The following ATP8A2 variants were observed in gnomAD, a reference collection of about 807,000 sequenced individuals.
The protein encoded by ATP8A2 is ATPase phospholipid transporting 8A2.
In ATP8A2, 100 loss-of-function variants were observed where a neutral mutation model predicts 165.6. The observed-to-expected ratio is 0.60, with a 90% CI of 0.51 to 0.71. The LOEUF (loss-of-function observed/expected upper bound fraction) is 0.71. Among genes scored for constraint, ATP8A2 ranks in the 30% least tolerant of loss-of-function variants. The probability of loss-of-function intolerance (pLI) is 0.00; values close to 1 mark genes in which losing one functional copy is unlikely to be tolerated. For synonymous variants in ATP8A2, 543 were observed against 548.8 expected (o/e 0.99, Z 0.15); for missense variants, 1,227 against 1,479.5 (o/e 0.83, Z 2.80).
At chr13:25,826,769 A>T (rs1489216747) in intron 27 of ATP8A2, among the ~76,000 whole-genome samples, 1 of 152,076 alleles carries the variant, frequency 6.6e-6, no homozygotes, top group Non-Finnish European at 1.5e-5. Context: ...CTGAATATTC[A>T]GCAGCAACTT....
intron 9 of ATP8A2, among the ~76,000 whole-genome samples, chr13:25,542,981 GT>G (rs1416013496): frequency 1.3e-5 from 2 of 152,052 alleles, no homozygotes; most frequent in African/African-American, 4.8e-5. Flanking sequence ...GTAAGCTTTG[GT>G]TGTTATTTTA....
chr13:25,937,440 T>C (rs1029796253), intron 33 of ATP8A2, among the ~76,000 whole-genome samples: 2 of 146,170 alleles, frequency 1.4e-5, no homozygotes, highest in African/African-American at 2.5e-5. Flanking sequence ...GGCTAATTAT[T>C]GTCCTTTGCT....
In ATP8A2 at chr13:25,379,181, T is replaced by G. The variant is rs180794800; in HGVS notation, c.76+6893T>G. On this transcript the variant is annotated intron_variant, in intron 1 of 36. Transcript: ENST00000381655. ...TTTGCCAAATCATCAGCAATGTACA[T>G]TTCACACATTGCAGGGAAGCATTTG... Among the ~76,000 whole-genome samples the G allele has an allele frequency of 3.0e-3, 464 of 152,342 alleles. 1 individual carries two copies. Among genetic ancestry groups the G allele is most frequent in the Non-Finnish European group, 5.0e-3 (339 of 68,030 alleles).
chr13:25,657,705 C>A (rs1309238085), intron 24 of ATP8A2, among the ~76,000 whole-genome samples: 2 of 152,338 alleles, frequency 1.3e-5, no homozygotes, highest in African/African-American at 2.4e-5. Flanking sequence ...GATACTTTTA[C>A]TCTAGAATCT....
chr13:25,579,903 G>T lies in ATP8A2; in HGVS notation c.1963G>T (p.Asp655Tyr), dbSNP rs756767860. 6.2e-7 allele frequency: 1 copy of T among 1,613,950 alleles called. No individual in the cohort carries two copies. Among genetic ancestry groups the T allele is most frequent in the East Asian group, 2.2e-5 (1 of 44,864 alleles). ...TCAGGAAGCCAGCACCATATTGAAG[G>T]ACAGAGCTCAACGGTTGGAAGAGTG... ...VYQEASTILK[D>Y]RAQRLEECYE... is the part of the protein sequence containing the mutation. Residue 655 changes from aspartate (D) to tyrosine (Y), a missense_variant, in exon 22 of 37, where the codon GAC (aspartate) becomes TAC (tyrosine). By Grantham distance (160) the Asp-to-Tyr change is radical (BLOSUM62 -3). This residue lies in a region of ATP8A2 where 592 missense variants were observed against 785.6 expected (regional missense o/e 0.75). Coordinates refer to ENST00000381655, the MANE Select transcript of ATP8A2 (RefSeq NM_016529.6).
intron 23 of ATP8A2, among the ~76,000 whole-genome samples, chr13:25,583,106 C>A (rs1329466377): frequency 6.6e-6 from 1 of 152,202 alleles, no homozygotes; most frequent in African/African-American, 2.4e-5. Context: ...ATCATCACTG[C>A]TACTAGAAAA....
At chr13:25,653,132 G>T (rs991383413) in intron 24 of ATP8A2, among the ~76,000 whole-genome samples, 3 of 152,114 alleles carry the variant, frequency 2.0e-5, no homozygotes, top group African/African-American at 7.2e-5. Context: ...GTTAATTTTT[G>T]TCTATGGTGT....
chr13:25,807,245 C>T (rs1049392585), intron 27 of ATP8A2, among the ~76,000 whole-genome samples: 1 of 150,774 alleles, frequency 6.6e-6, no homozygotes, highest in African/African-American at 2.4e-5. Flanking sequence ...GGTGCCTTAT[C>T]TAAAAAATTA....
Position 25,533,446 on chromosome 13 carries a change from C to T in ATP8A2, c.507+133C>T, listed in dbSNP as rs1030353222. On this transcript the variant is annotated intron_variant, in intron 6 of 36. Coordinates refer to ENST00000381655, the MANE Select transcript of ATP8A2 (RefSeq NM_016529.6). Reference sequence around the variant, plus strand: ...CCATGAGGTCTGCTGAGACCTGATGCGTGTTTACTCCTTCCCTTGCACCTT... The same window carrying T: ...CCATGAGGTCTGCTGAGACCTGATGTGTGTTTACTCCTTCCCTTGCACCTT... 15 of 540,686 alleles carry T rather than the reference C, an allele frequency of 2.8e-5. No individual in the cohort carries two copies. The Middle Eastern group carries it at 8.2e-4, about 30-fold the overall frequency. 33.5% of individuals were successfully genotyped at this position (540,686 alleles called of 1,614,324 possible). A position where few individuals can be genotyped will look rare whatever the true frequency, so the allele number is the denominator to read the frequency against.
Position 25,880,802 on chromosome 13 carries a change from T to C in ATP8A2, c.3183+18394T>C, listed in dbSNP as rs1326282997. 1.2e-5 allele frequency: 5 copies of C among 412,136 alleles called. No individual in the cohort carries two copies. The Admixed American group carries it at 1.4e-4, about 11-fold the overall frequency. The allele number at this position is 412,136 out of a possible 1,614,324, so 25.5% of individuals were successfully genotyped here. A position where few individuals can be genotyped will look rare whatever the true frequency, so the allele number is the denominator to read the frequency against. ...ATCTTTTCAACAGAAGCAGCCAACT[T>C]TTCTAGCAAAGGAATTTGCAGTCTT... On this transcript the variant is annotated intron_variant, in intron 33 of 36. Transcript: ENST00000381655.
chr13:25,807,975 C>T (rs1950778132), intron 27 of ATP8A2, among the ~76,000 whole-genome samples: 1 of 152,152 alleles, frequency 6.6e-6, no homozygotes, highest in Non-Finnish European at 1.5e-5. Flanking sequence ...TCTACAGTAG[C>T]CATGCACTTT....
intron 2 of ATP8A2, among the ~76,000 whole-genome samples, chr13:25,513,012 A>C (rs1343105060): frequency 1.4e-4 from 12 of 84,884 alleles, no homozygotes; most frequent in Non-Finnish European, 1.7e-4. Context: ...CGGGGGGCTG[A>C]CCCCCCCCAC....
At chr13:25,954,424 G>A (rs1359534825) in intron 33 of ATP8A2, among the ~76,000 whole-genome samples, 3 of 152,240 alleles carry the variant, frequency 2.0e-5, no homozygotes, top group Non-Finnish European at 2.9e-5. Context: ...GCAGCTGTGA[G>A]CACAGCTTCA....
intron 25 of ATP8A2, chr13:25,705,212 G>C (rs996484473): frequency 7.1e-6 from 3 of 424,408 alleles, no homozygotes; most frequent in Non-Finnish European, 1.4e-5. Context: ...CAGACTACCA[G>C]GGGAGAGGAC....
chr13:25,997,928 A>G (rs1956547599), intron 35 of ATP8A2, among the ~76,000 whole-genome samples: 1 of 152,080 alleles, frequency 6.6e-6, no homozygotes, highest in Non-Finnish European at 1.5e-5. Flanking sequence ...GTTAGCATCT[A>G]TTGATCATTT....
intron 1 of ATP8A2, among the ~76,000 whole-genome samples, chr13:25,374,158 G>A (rs1200980107): frequency 2.0e-5 from 3 of 152,156 alleles, no homozygotes; most frequent in African/African-American, 7.2e-5. Context: ...TGGCCAGGGA[G>A]GTCCCCGGAA....
In ATP8A2 at chr13:25,698,224, GTT is replaced by G. The variant is rs57633900; in HGVS notation, c.2212-934_2212-933del. Among the ~76,000 whole-genome samples the G allele has an allele frequency of 1.0e-3, 142 of 141,508 alleles. 1 individual carries two copies. Among genetic ancestry groups the G allele is most frequent in the East Asian group, 3.7e-3 (18 of 4,870 alleles). 92.8% of individuals were successfully genotyped at this position (141,508 alleles called of 152,430 possible). ...ATTCACTGTGAAAACAAGAACGTCT[GTT>G]TTTTTTTTTTTTTTAAAGAAACAGG... On this transcript the variant is annotated intron_variant, in intron 24 of 36. Transcript: ENST00000381655.
chr13:25,431,814 C>T (rs1248548325), intron 1 of ATP8A2, among the ~76,000 whole-genome samples: 4 of 152,152 alleles, frequency 2.6e-5, no homozygotes, highest in Admixed American at 1.3e-4. Context: ...CAAAGGTGTG[C>T]AGCCATCACA....
chr13:26,015,131 G>A (rs1192733024), intron 36 of ATP8A2, among the ~76,000 whole-genome samples: 1 of 151,984 alleles, frequency 6.6e-6, no homozygotes, highest in Non-Finnish European at 1.5e-5. Context: ...TATTTTGAAG[G>A]CCAAAAAAAA....
Sources: allele counts gnomAD v4.1 joint callset (sites outside exome capture counted in the v4.1 genomes callset), GRCh38; gene constraint gnomAD v4.1.1; regional missense constraint gnomAD v4.1.1; transcripts MANE v1.5; gene names NCBI Gene and HGNC (gene_info 2026-07-23, HGNC 2026-07-21).